The following TTN variants were observed in gnomAD, a reference collection of about 807,000 sequenced individuals.
The protein encoded by TTN is titin, also known as connectin.
TTN carries 1,525 observed loss-of-function variants against 3,223.0 expected under a neutral mutation model. That is an observed-to-expected ratio of 0.47 (90% confidence interval 0.45 to 0.49). The LOEUF (loss-of-function observed/expected upper bound fraction) is 0.49, where lower values mean the gene tolerates loss of function less well. TTN is among the 20% of genes least tolerant of loss of function. TTN has a pLI of 0.00. For missense variants in TTN, 40,786 were observed against 43,424.0 expected, an observed-to-expected ratio of 0.94 and a Z score of 5.40; for synonymous variants, 14,094 against 15,161.0, an observed-to-expected ratio of 0.93 and a Z score of 5.17.
In TTN at chr2:178,620,960, G is replaced by A; in HGVS notation, c.45650C>T (p.Thr15217Ile). The A allele has an allele frequency of 1.2e-6, 2 of 1,612,210 alleles. No homozygotes were observed. Among genetic ancestry groups the A allele is most frequent in the Non-Finnish European group, 1.7e-6 (2 of 1,179,092 alleles). Reference protein sequence around the residue: ...KLRIVVPLKDTRVKEQQEVVF... With the variant: ...KLRIVVPLKDIRVKEQQEVVF... ...AACTTCCTGTTGTTCCTTCACCCGG[G>A]TGTCCTTAAGAGGAACTACGATCCT... The change falls in exon 247 of 363, where the codon ACC (threonine) becomes ATC (isoleucine). Residue 15217 changes from threonine (T) to isoleucine (I), a missense_variant. Physicochemically the swap from Thr to Ile is moderately conservative, Grantham distance 89. Coordinates refer to ENST00000589042, the MANE Select transcript of TTN (RefSeq NM_001267550.2).
At position 178,741,643 on chromosome 2, in the gene TTN, C is replaced by T. The variant is rs748910775; in HGVS notation, c.11590G>A (p.Ala3864Thr). The change falls in exon 48 of 363, where the codon GCT becomes ACT. Residue 3864 changes from alanine (A) to threonine (T), a missense_variant. Ala to Thr is a moderately conservative substitution (Grantham distance 58). Coordinates refer to ENST00000589042, the MANE Select transcript of TTN (RefSeq NM_001267550.2). ...CCGTCAAAAACAAATTTGTAGTCAG[C>T]AGAAGGGGTTAATAGCACTCCATTA... ...FFNGVLLTPS[A>T]DYKFVFDGDD... The T allele has an allele frequency of 4.3e-6, 7 of 1,613,674 alleles. No homozygotes were observed. The highest frequency in any genetic ancestry group is 5.9e-6 in the Non-Finnish European group (7 of 1,179,780).
intron 47 of TTN, chr2:178,751,611 C>A: frequency 6.2e-7 from 1 of 1,613,152 alleles, no homozygotes; most frequent in Non-Finnish European, 8.5e-7. Context: ...TTTTGGATAA[C>A]AAGCAATGAT....
chr2:178,799,204 G>A, intron 6 of TTN: 4 of 421,792 alleles, frequency 9.5e-6, no homozygotes, highest in South Asian at 9.3e-5. Flanking sequence ...CCCAAATGTT[G>A]CATTTCCCAA....
At chr2:178,679,231 C>G (rs1012338974) in intron 142 of TTN, 108 bp downstream of exon 142, 4 of 1,169,696 alleles carry the variant, frequency 3.4e-6, no homozygotes, top group Non-Finnish European at 5.0e-6. Context: ...CTTGTCATGG[C>G]ATTAATGTTG....
At chr2:178,644,480 G>A (rs1447200339) in intron 218 of TTN, 68 bp downstream of exon 218, 1 of 1,150,522 alleles carries the variant, frequency 8.7e-7, no homozygotes, top group African/African-American at 1.6e-5. Flanking sequence ...ATTCGATGGA[G>A]GCAGAAAGAG....
chr2:178,732,015 T>G, intron 57 of TTN, 44 bp from the exon 58 acceptor site: 1 of 1,589,494 alleles, frequency 6.3e-7, no homozygotes, highest in Non-Finnish European at 8.6e-7. Context: ...AGGAGGGGTC[T>G]GTGCCATGGG....
rs776473891 is a variant in TTN at position 178,572,888 on chromosome 2, C to G, written c.73244G>C (p.Gly24415Ala). ...CATTCTGTCTTCAGCCTTTGGAGTT[C>G]CAGGAACAAGGGCAGGTTCCCCAAG... ...EGLGEPALVP[G>A]TPKAEDRMLP... The change falls in exon 326 of 363, where the codon GGA (glycine) becomes GCA (alanine). Residue 24415 changes from glycine to alanine, a missense_variant. Gly to Ala is a moderately conservative substitution (Grantham distance 60). Transcript: ENST00000589042. The G allele has an allele frequency of 1.2e-6, 2 of 1,613,332 alleles. No homozygotes were observed. Among genetic ancestry groups the G allele is most frequent in the Admixed American group, 1.7e-5 (1 of 59,984 alleles).
chr2:178,590,938 T>C lies in TTN; in HGVS notation c.60787A>G (p.Thr20263Ala), dbSNP rs886038850. ...GGACTAAATTTATGCTTAGCAACAGTAGGTGTGGAGTCAAGGGGAGGACCA... is the reference window on the plus strand; with the variant it reads ...GGACTAAATTTATGCTTAGCAACAGCAGGTGTGGAGTCAAGGGGAGGACCA... ...GVGPPLDSTP[T>A]VAKHKFSPPS... Residue 20263 changes from threonine (T) to alanine (A), a missense_variant, in exon 304 of 363, where the codon ACT becomes GCT. Coordinates refer to ENST00000589042, the MANE Select transcript of TTN (RefSeq NM_001267550.2). 3 of 1,613,184 alleles carry C rather than the reference T, an allele frequency of 1.9e-6. No homozygotes were observed. Among genetic ancestry groups the C allele is most frequent in the East Asian group, 4.5e-5 (2 of 44,820 alleles).
At position 178,637,187 on chromosome 2, in the gene TTN, A is replaced by ATATC. The variant is rs1164479649; in HGVS notation, c.40927+178_40927+181dup. Among the ~76,000 whole-genome samples the ATATC allele has an allele frequency of 1.4e-3, 174 of 125,262 alleles. 1 individual carries two copies. Among genetic ancestry groups the ATATC allele is most frequent in the African/African-American group, 5.1e-3 (166 of 32,824 alleles). The allele number at this position is 125,262 out of a possible 152,430, so 82.2% of individuals were successfully genotyped here. On this transcript the variant is annotated intron_variant, in intron 224 of 362. Transcript: ENST00000589042. ...TATATATATATATATATATATATAT[A>ATATC]TATCTCCTTGCATAATACTAAAAGT... is the stretch of plus-strand genomic sequence containing the variant.
Position 178,756,705 on chromosome 2 carries a change from TCTC to T in TTN, c.10768_10770del (p.Glu3590del), listed in dbSNP as rs2087113908. Reference sequence around the variant, plus strand: ...TTAATTTCCTTTTGAGATATTTTGCTCTCCTCCTTTGTGAAAGAGGAATCTGCC... The same window carrying T: ...TTAATTTCCTTTTGAGATATTTTGCTCTCCTTTGTGAAAGAGGAATCTGCC... On this transcript the variant is annotated inframe_deletion, in exon 46 of 363. Coordinates refer to ENST00000589042, the MANE Select transcript of TTN (RefSeq NM_001267550.2). 27 of 1,613,690 alleles carry T rather than the reference TCTC, an allele frequency of 1.7e-5. No individual in the cohort carries two copies. The highest frequency in any genetic ancestry group is 2.3e-5 in the Non-Finnish European group (27 of 1,179,812).
chr2:178,719,230 T>C lies in TTN; in HGVS notation c.24160A>G (p.Ile8054Val). Residue 8054 changes from isoleucine to valine, a missense_variant, in exon 83 of 363, where the codon ATA (isoleucine) becomes GTA (valine). Transcript: ENST00000589042. ...ACATTGGCAGCCACACACGTGTATATGCCTGTGTCGGAGGGCTCCAACAAG... is the reference window on the plus strand; with the variant it reads ...ACATTGGCAGCCACACACGTGTATACGCCTGTGTCGGAGGGCTCCAACAAG... ...LSLLEPSDTG[I>V]YTCVAANVAG... The C allele has an allele frequency of 6.2e-7, 1 of 1,613,758 alleles. No individual in the cohort carries two copies. Among genetic ancestry groups the C allele is most frequent in the Non-Finnish European group, 8.5e-7 (1 of 1,179,746 alleles).
chr2:178,620,464 T>C lies in TTN; in HGVS notation c.46057A>G (p.Lys15353Glu), dbSNP rs747996981. The C allele has an allele frequency of 1.2e-6, 2 of 1,612,356 alleles. No homozygotes were observed. Among genetic ancestry groups the C allele is most frequent in the Admixed American group, 3.3e-5 (2 of 59,884 alleles). Residue 15353 changes from lysine to glutamate, a missense_variant, in exon 248 of 363, where the codon AAG (lysine) becomes GAG (glutamate). Coordinates refer to ENST00000589042, the MANE Select transcript of TTN (RefSeq NM_001267550.2). ...FDNRVSYRVD[K>E]YKHMLTIKDC... Reference sequence around the variant, plus strand: ...TTAATGGTTAACATGTGCTTGTACTTATCAACTCTGTATGAGACACGGTTG... The same window carrying C: ...TTAATGGTTAACATGTGCTTGTACTCATCAACTCTGTATGAGACACGGTTG...
chr2:178,695,006 CTATAAGTGTATATGCAGATACATG>C (rs1297433266), intron 115 of TTN, 100 bp from the exon 116 acceptor site: 1 of 831,494 alleles, frequency 1.2e-6, no homozygotes, highest in African/African-American at 1.7e-5. Flanking sequence ...TTATACACAC[CTATAAGTGTATATGCAGATACATG>C]TATCATTTTT....
At position 178,616,728 on chromosome 2, in the gene TTN, C is replaced by G. The variant is rs779498825; in HGVS notation, c.48160+1G>C. 4 of 1,612,224 alleles carry G rather than the reference C, an allele frequency of 2.5e-6. No homozygotes were observed. The highest frequency in any genetic ancestry group is 3.4e-6 in the Non-Finnish European group (4 of 1,179,108). ...TAGATGATAAATGTTTTGTTCCTTA[C>G]CAATTACATTGACATCAATTTCCCC... is the stretch of plus-strand genomic sequence containing the variant. On this transcript the variant is annotated splice_donor_variant, in intron 256 of 362. Coordinates refer to ENST00000589042, the MANE Select transcript of TTN (RefSeq NM_001267550.2). LOFTEE classifies it high-confidence loss of function.
Position 178,541,552 on chromosome 2 carries a change from A to G in TTN, c.97525T>C (p.Phe32509Leu). The G allele has an allele frequency of 6.2e-7, 1 of 1,611,932 alleles. No individual in the cohort carries two copies. Among genetic ancestry groups the G allele is most frequent in the Non-Finnish European group, 8.5e-7 (1 of 1,178,864 alleles). Residue 32509 changes from phenylalanine to leucine, a missense_variant, in exon 350 of 363, where the codon TTT (phenylalanine) becomes CTT (leucine). By Grantham distance (22) the Phe-to-Leu change is conservative. Coordinates refer to ENST00000589042, the MANE Select transcript of TTN (RefSeq NM_001267550.2). ...IPGPPETLQI[F>L]DVSRDGMTLT... ...GTCATGCCATCACGGGAAACATCAAATATCTGTAATGTTTCTGGGGGTCCA... is the reference window on the plus strand; with the variant it reads ...GTCATGCCATCACGGGAAACATCAAGTATCTGTAATGTTTCTGGGGGTCCA...
In TTN at chr2:178,612,579, G is replaced by T; in HGVS notation, c.49949-3C>A. Reference sequence around the variant, plus strand: ...CCAGCGTGGTGGTGATGGAGGATCTGAAAAAGAAGGAAGGAAAACAAATTC... The same window carrying T: ...CCAGCGTGGTGGTGATGGAGGATCTTAAAAAGAAGGAAGGAAAACAAATTC... On this transcript the variant is annotated splice_polypyrimidine_tract_variant and splice_region_variant and intron_variant, in intron 265 of 362. Transcript: ENST00000589042. 6.3e-7 allele frequency: 1 copy of T among 1,593,464 alleles called. No individual in the cohort carries two copies. Among genetic ancestry groups the T allele is most frequent in the African/African-American group, 1.4e-5 (1 of 71,572 alleles).
chr2:178,766,212 G>T (rs940306095), intron 41 of TTN, among the ~76,000 whole-genome samples, 169 bp downstream of exon 41: 1 of 152,128 alleles, frequency 6.6e-6, no homozygotes. Flanking sequence ...TCTTTTAACA[G>T]CTGCCCTCCC....
chr2:178,681,365 C>T lies in TTN; in HGVS notation c.33247+11G>A. The T allele has an allele frequency of 6.2e-7, 1 of 1,605,932 alleles. No homozygotes were observed. Among genetic ancestry groups the T allele is most frequent in the Non-Finnish European group, 8.5e-7 (1 of 1,174,640 alleles). ...AAAGTTGTTTTTGGTGATTATTACT[C>T]AGTAATGTACCTTTGGGTGGTGGAG... On this transcript the variant is annotated intron_variant, in intron 137 of 362. Transcript: ENST00000589042.
chr2:178,531,682 T>C lies in TTN; in HGVS notation c.104933A>G (p.Asn34978Ser), dbSNP rs780028847. Residue 34978 changes from asparagine (N) to serine (S), a missense_variant, in exon 358 of 363, where the codon AAT (asparagine) becomes AGT (serine). Asn to Ser is a conservative substitution (Grantham distance 46). Coordinates refer to ENST00000589042, the MANE Select transcript of TTN (RefSeq NM_001267550.2). ...ACTGCTTTCTTGGAGTTCCACACCA[T>C]TGTGGTACCATTTAACCTCGGCAGT... is the stretch of plus-strand genomic sequence containing the variant. ...KPTAEVKWYH[N>S]GVELQESSKI... is the part of the protein sequence containing the mutation. The C allele has an allele frequency of 6.2e-6, 10 of 1,613,918 alleles. No individual in the cohort carries two copies. Among genetic ancestry groups the C allele is most frequent in the South Asian group, 4.4e-5 (4 of 91,092 alleles).
Sources: gnomAD v4.1 joint callset for allele counts (sites outside exome capture counted in the v4.1 genomes callset) on GRCh38, gnomAD v4.1.1 for gene constraint, MANE v1.5 for transcripts, NCBI Gene and HGNC (gene_info 2026-07-23, HGNC 2026-07-21) for gene names.